The following SCN1A variants were observed in gnomAD, a reference collection of about 807,000 sequenced individuals.
SCN1A encodes sodium voltage-gated channel alpha subunit 1.
SCN1A carries 13 observed loss-of-function variants against 193.7 expected under a neutral mutation model. That is an observed-to-expected ratio of 0.07 (90% CI 0.04 to 0.11). The LOEUF is 0.11. SCN1A is among the 10% of genes least tolerant of loss of function. The pLI is 1.00. For missense variants in SCN1A, 1,432 were observed against 2,451.1 expected (o/e 0.58, Z 8.78); for synonymous variants, 781 against 843.6 (o/e 0.93, Z 1.29).
chr2:166,044,652 A>AG (rs1553545242), intron 13 of SCN1A, among the ~76,000 whole-genome samples: 3 of 152,178 alleles, frequency 2.0e-5, no homozygotes, highest in East Asian at 1.9e-4. Context: ...TAAAGAAGTT[A>AG]GGGGGAAAAA....
intron 20 of SCN1A, 142 bp from the exon 21 acceptor site, chr2:166,014,040 C>A: frequency 1.1e-6 from 1 of 949,542 alleles, no homozygotes; most frequent in South Asian, 1.4e-5. Flanking sequence ...GTAGTAAGAG[C>A]ACATTCATCA....
intron 2 of SCN1A, among the ~76,000 whole-genome samples, chr2:166,117,050 T>G (rs1689950482): frequency 6.6e-6 from 1 of 152,162 alleles, no homozygotes; most frequent in African/African-American, 2.4e-5. Context: ...AAAATAATAA[T>G]TTTCTCTTGA....
rs1402713843 is a variant in SCN1A, at chr2:166,002,744, T to C, written c.4012A>G (p.Asn1338Asp). The part of the protein sequence containing the change: ...SRFEGMRVVV[N>D]ALLGAIPSIM... ...GATGGAATTGCTCCTAAAAGGGCAT[T>C]CACAACCACCTAATACACAAATGGA... is the stretch of plus-strand genomic sequence containing the variant. Residue 1338 changes from asparagine (N) to aspartate (D), a missense_variant, in exon 24 of 29, where the codon AAT (asparagine) becomes GAT (aspartate). Asn to Asp is a conservative substitution (Grantham distance 23). Around this residue, in one of 18 missense-constraint regions of SCN1A, gnomAD observed 107 missense variants for 259.4 expected, o/e 0.41. Transcript: ENST00000674923. The C allele has an allele frequency of 1.2e-6, 2 of 1,610,110 alleles. No homozygotes were observed. The highest frequency in any genetic ancestry group is 1.7e-5 in the Admixed American group (1 of 59,600).
chr2:165,996,278 G>T, intron 26 of SCN1A, 161 bp from the exon 27 acceptor site: 2 of 495,158 alleles, frequency 4.0e-6, no homozygotes, highest in Non-Finnish European at 7.2e-6. Flanking sequence ...GTACTCTTTA[G>T]GTATGATAAT....
chr2:166,023,176 T>C (rs1694291059), intron 19 of SCN1A, among the ~76,000 whole-genome samples: 2 of 152,254 alleles, frequency 1.3e-5, no homozygotes, highest in South Asian at 2.1e-4. Context: ...TATCATGTGG[T>C]AAAATGATCC....
At chr2:166,026,332 G>T (rs1463107367) in intron 19 of SCN1A, among the ~76,000 whole-genome samples, 1 of 152,046 alleles carries the variant, frequency 6.6e-6, no homozygotes, top group East Asian at 1.9e-4. Context: ...TGAGATAAAA[G>T]ATGAAGTGGT....
rs542026944 is a variant in SCN1A at position 166,039,425 on chromosome 2, A to G, written c.2587T>C (p.Leu863=). Residue 863 remains leucine, a splice_region_variant and synonymous_variant, in exon 17 of 29, where the codon TTG becomes CTG. Transcript: ENST00000674923. The part of the protein sequence containing the change: ...EGLSVLRSFR[L]LRVFKLAKSW... ...GTGCTTTTTTTTTTTTTTTTTACCAATCGAAATGAACGGAGAACAGATAAT... is the reference window on the plus strand; with the variant it reads ...GTGCTTTTTTTTTTTTTTTTTACCAGTCGAAATGAACGGAGAACAGATAAT... 5.6e-6 allele frequency: 9 copies of G among 1,605,258 alleles called. No homozygotes were observed. The highest frequency in any genetic ancestry group is 2.2e-5 in the East Asian group (1 of 44,760).
chr2:166,120,512 T>C (rs1690431216), intron 2 of SCN1A, among the ~76,000 whole-genome samples: 1 of 151,256 alleles, frequency 6.6e-6, no homozygotes, highest in Admixed American at 6.6e-5. Context: ...TAATATTTCA[T>C]CATTTGCCTA....
intron 23 of SCN1A, among the ~76,000 whole-genome samples, chr2:166,008,260 A>G (rs766124930): frequency 6.6e-5 from 10 of 151,282 alleles, no homozygotes; most frequent in Non-Finnish European, 7.4e-5. Flanking sequence ...ATGTATGGAA[A>G]TATCTGAGCA....
upstream of SCN1A, among the ~76,000 whole-genome samples, chr2:166,132,807 A>G (rs1691712527): frequency 6.6e-6 from 1 of 152,320 alleles, no homozygotes; most frequent in Admixed American, 6.5e-5. Flanking sequence ...CAAATATGAT[A>G]TAAAAATATC....
Position 165,986,573 on chromosome 2 carries a change from C to T in SCN1A, c.*4672G>A, listed in dbSNP as rs1688622290. On this transcript the variant is annotated 3_prime_UTR_variant, in exon 29 of 29. Coordinates refer to ENST00000674923, the MANE Select transcript of SCN1A (RefSeq NM_001165963.4). The stretch of plus-strand genomic sequence containing the variant: ...GGAAATGAGAATAGTAGTTAAAAAA[C>T]CAGTATATATTGAATTAATTACCAA... 1 of 151,772 alleles carries T rather than the reference C, an allele frequency of 6.6e-6. No homozygotes were observed. The highest frequency in any genetic ancestry group is 1.9e-4 in the East Asian group (1 of 5,188). 9.4% of individuals were successfully genotyped at this position (151,772 alleles called of 1,614,324 possible). A position where few individuals can be genotyped will look rare whatever the true frequency, so the allele number is the denominator to read the frequency against.
intron 9 of SCN1A, among the ~76,000 whole-genome samples, chr2:166,049,723 T>C (rs1304491089): frequency 3.9e-5 from 6 of 151,994 alleles, no homozygotes; most frequent in African/African-American, 1.2e-4. Context: ...CTCCCCTCAC[T>C]GTGCTACCAG....
At chr2:166,103,368 T>C (rs1019935502) in intron 2 of SCN1A, among the ~76,000 whole-genome samples, 2 of 151,794 alleles carry the variant, frequency 1.3e-5, no homozygotes, top group Non-Finnish European at 2.9e-5. Flanking sequence ...GGAGAATCAC[T>C]TGAACCCGGG....
intron 19 of SCN1A, among the ~76,000 whole-genome samples, chr2:166,018,143 A>G (rs139134167): frequency 1.3e-5 from 2 of 152,106 alleles, no homozygotes; most frequent in Non-Finnish European, 2.9e-5. Context: ...ATTAAAGTAT[A>G]CTGATACACT....
chr2:166,073,181 A>G, intron 4 of SCN1A, 177 bp downstream of exon 4: 1 of 713,308 alleles, frequency 1.4e-6, no homozygotes, highest in Non-Finnish European at 2.3e-6. Flanking sequence ...TGCATATGTT[A>G]TGATATAATC....
intron 2 of SCN1A, chr2:166,123,693 G>GA (rs779926143): frequency 5.9e-5 from 9 of 151,850 alleles, no homozygotes; most frequent in African/African-American, 9.7e-5. Context: ...TTTTTTTTGT[G>GA]AAAATGACTG....
Position 166,048,044 on chromosome 2 carries a change from T to C in SCN1A, c.1029-276A>G, listed in dbSNP as rs549034485. 2.0e-5 allele frequency among the ~76,000 whole-genome samples: 3 copies of C among 152,206 alleles called. No homozygotes were observed. The South Asian group carries it at 6.2e-4, about 32-fold the overall frequency. ...AACACCTCCATTTCATTTTTACTAC[T>C]ATGGAGTCTCCAGAGTTTATAGCTC... On this transcript the variant is annotated intron_variant, in intron 10 of 28. Transcript: ENST00000674923.
rs1411337052 is a variant in SCN1A, at chr2:166,007,407, C to CTT, written c.4002+2310_4002+2311dup. ...CCGTCTGTTTCCCTATCCATTAAGA[C>CTT]TTGAGTTCTTTTGAAAAAGAAGGTA... On this transcript the variant is annotated intron_variant, in intron 23 of 28. Transcript: ENST00000674923. The CTT allele has an allele frequency of 6.6e-6, 1 of 151,162 alleles. No homozygotes were observed. The highest frequency in any genetic ancestry group is 2.4e-5 in the African/African-American group (1 of 41,292). The allele number at this position is 151,162 out of a possible 1,614,324, so 9.4% of individuals were successfully genotyped here.
intron 4 of SCN1A, among the ~76,000 whole-genome samples, chr2:166,070,217 C>A (rs1055370545): frequency 1.3e-5 from 2 of 151,922 alleles, no homozygotes; most frequent in Non-Finnish European, 2.9e-5. Context: ...AAACACATAA[C>A]TCAATCATGT....
Sources: allele counts gnomAD v4.1 joint callset (sites outside exome capture counted in the v4.1 genomes callset), GRCh38; gene constraint gnomAD v4.1.1; regional missense constraint gnomAD v4.1.1; transcripts MANE v1.5; gene names NCBI Gene and HGNC (gene_info 2026-07-23, HGNC 2026-07-21).